The following MAPK8IP3 variants were observed in gnomAD, a reference collection of about 807,000 sequenced individuals.
MAPK8IP3 encodes C-Jun-amino-terminal kinase-interacting protein 3.
In MAPK8IP3, 49 loss-of-function variants were observed where a neutral mutation model predicts 157.8. That is an observed-to-expected ratio of 0.31 (90% CI 0.25 to 0.39). The LOEUF is 0.39. MAPK8IP3 is among the 10% of genes least tolerant of loss of function. The pLI is 1.00. For missense variants in MAPK8IP3, 1,478 were observed against 1,889.4 expected, an observed-to-expected ratio of 0.78 and a Z score of 4.04; for synonymous variants, 897 against 777.7, an observed-to-expected ratio of 1.15 and a Z score of -2.55.
At chr16:1,749,873 C>G (rs975658105) in intron 8 of MAPK8IP3, among the ~76,000 whole-genome samples, 2 of 152,196 alleles carry the variant, frequency 1.3e-5, no homozygotes, top group Non-Finnish European at 2.9e-5. Flanking sequence ...GACAGGGAGG[C>G]CTGTCTCATC....
At chr16:1,761,194 A>G in intron 12 of MAPK8IP3, 30 bp from the exon 13 acceptor site, 5 of 1,587,794 alleles carry the variant, frequency 3.1e-6, no homozygotes, top group Non-Finnish European at 4.3e-6. Context: ...GGAGGCCCTC[A>G]CCCTCCCTGC....
intron 1 of MAPK8IP3, among the ~76,000 whole-genome samples, chr16:1,713,312 G>A (rs529453855): frequency 3.9e-4 from 60 of 152,262 alleles, no homozygotes; most frequent in African/African-American, 1.3e-3. Context: ...TCAAACTTCT[G>A]GACCGAAGCA....
intron 11 of MAPK8IP3, 59 bp from the exon 12 acceptor site, chr16:1,760,321 C>A: frequency 6.4e-7 from 1 of 1,559,752 alleles, no homozygotes; most frequent in Non-Finnish European, 8.7e-7. Context: ...CCTGGCAAGG[C>A]CCCTTCACGT....
chr16:1,713,739 C>G (rs1408687458), intron 1 of MAPK8IP3: 1 of 152,228 alleles, frequency 6.6e-6, no homozygotes, highest in East Asian at 1.9e-4. Flanking sequence ...TGCCTGTGCT[C>G]AGGGCACAGG....
chr16:1,767,390 C>G lies in MAPK8IP3; in HGVS notation c.3237+93C>G. On this transcript the variant is annotated intron_variant, in intron 26 of 31. Transcript: ENST00000610761. ...CCATACGGAAGTCCACGAGGCCCTA[C>G]GTGGGTCCCATCTCCCCTGTACCAC... is the stretch of plus-strand genomic sequence containing the variant. The G allele has an allele frequency of 6.4e-6, 10 of 1,556,744 alleles. No individual in the cohort carries two copies. In the South Asian group the frequency reaches 8.2e-5, roughly 13 times the overall value.
chr16:1,761,127 A>G, intron 12 of MAPK8IP3, 97 bp from the exon 13 acceptor site: 1 of 956,080 alleles, frequency 1.0e-6, no homozygotes, highest in Non-Finnish European at 1.7e-6. Flanking sequence ...CCCTGCACAG[A>G]GGCAAGGACA....
chr16:1,722,544 A>T (rs1348079676), intron 1 of MAPK8IP3, among the ~76,000 whole-genome samples: 1 of 151,976 alleles, frequency 6.6e-6, no homozygotes, highest in East Asian at 1.9e-4. Flanking sequence ...TTATATTCCC[A>T]TCTTCTGAGA....
chr16:1,721,657 C>T (rs1357263795), intron 1 of MAPK8IP3, among the ~76,000 whole-genome samples: 1 of 152,156 alleles, frequency 6.6e-6, no homozygotes, highest in Non-Finnish European at 1.5e-5. Context: ...CACCATGTTG[C>T]ATCTAACTCC....
chr16:1,711,042 G>A (rs750340430), intron 1 of MAPK8IP3, among the ~76,000 whole-genome samples: 22 of 152,348 alleles, frequency 1.4e-4, no homozygotes, highest in Admixed American at 3.3e-4. Context: ...GGGAGCCCCC[G>A]GGCCACGCTG....
intron 1 of MAPK8IP3, among the ~76,000 whole-genome samples, chr16:1,713,298 G>T (rs545366782): frequency 4.6e-4 from 70 of 152,276 alleles, no homozygotes; most frequent in Admixed American, 7.8e-4. Flanking sequence ...TGCCCAGGCT[G>T]GTCTCAAACT....
chr16:1,732,285 C>T (rs1350201934), intron 4 of MAPK8IP3, among the ~76,000 whole-genome samples: 5 of 152,302 alleles, frequency 3.3e-5, no homozygotes, highest in South Asian at 2.1e-4. Flanking sequence ...GCCAGGGCTG[C>T]GATGGCAAAA....
chr16:1,737,730 GCATCCGTGTGAGCGTGAC>G (rs1484697250), intron 4 of MAPK8IP3, among the ~76,000 whole-genome samples: 1 of 79,628 alleles, frequency 1.3e-5, no homozygotes, highest in Non-Finnish European at 2.2e-5. Flanking sequence ...GTCCGTGTGA[GCATCCGTGTGAGCGTGAC>G]CATCCGTGTG....
In MAPK8IP3 at chr16:1,758,372, C is replaced by G. The variant is rs538583833; in HGVS notation, c.1228+213C>G. Among the ~76,000 whole-genome samples the G allele has an allele frequency of 2.6e-5, 4 of 152,230 alleles. No individual in the cohort carries two copies. In the South Asian group the frequency reaches 6.2e-4, roughly 24 times the overall value. ...ACAATGACCTGGATATCCAACCCCC[C>G]CAGCCTGAGGAGTCCCCCGCGGGCC... On this transcript the variant is annotated intron_variant, in intron 9 of 31. Coordinates refer to ENST00000610761, the MANE Select transcript of MAPK8IP3 (RefSeq NM_001318852.2).
intron 1 of MAPK8IP3, among the ~76,000 whole-genome samples, chr16:1,715,026 A>G (rs1226133952): frequency 6.6e-6 from 1 of 152,104 alleles, no homozygotes; most frequent in Non-Finnish European, 1.5e-5. Context: ...ATTTATATAT[A>G]TATTTCCCAA....
chr16:1,735,575 GTCCGTGTGACCA>G (rs1260891656), intron 4 of MAPK8IP3, among the ~76,000 whole-genome samples: 3 of 141,374 alleles, frequency 2.1e-5, no homozygotes, highest in African/African-American at 5.4e-5. Flanking sequence ...CCATGTGAGA[GTCCGTGTGACCA>G]TCCGTGTGAG....
At chr16:1,708,741 C>A (rs376721397) in intron 1 of MAPK8IP3, among the ~76,000 whole-genome samples, 21 of 152,178 alleles carry the variant, frequency 1.4e-4, no homozygotes, top group African/African-American at 4.3e-4. Context: ...GGAGCCGAGC[C>A]CCGAAGCCAG....
intron 4 of MAPK8IP3, among the ~76,000 whole-genome samples, chr16:1,736,355 CGT>C (rs751859212): frequency 6.2e-5 from 3 of 48,300 alleles, no homozygotes; most frequent in East Asian, 6.2e-4. Context: ...TGTGACCGTC[CGT>C]GTGTGACCGT....
chr16:1,749,211 C>T (rs747233090), intron 8 of MAPK8IP3, among the ~76,000 whole-genome samples: 50 of 152,194 alleles, frequency 3.3e-4, no homozygotes, highest in Non-Finnish European at 5.7e-4. Flanking sequence ...GTGCACGGTG[C>T]GGTGGGTTAC....
intron 5 of MAPK8IP3, 25 bp from the exon 6 acceptor site, chr16:1,747,004 C>G: frequency 3.7e-6 from 6 of 1,610,222 alleles, no homozygotes; most frequent in Non-Finnish European, 5.1e-6. Context: ...GACTCGCTCT[C>G]CCTCCTCCCT....
Sources: allele counts gnomAD v4.1 joint callset (sites outside exome capture counted in the v4.1 genomes callset), GRCh38; gene constraint gnomAD v4.1.1; transcripts MANE v1.5; gene names NCBI Gene and HGNC (gene_info 2026-07-23, HGNC 2026-07-21).